THSD4: variants seen among roughly 807,000 people sequenced by gnomAD.
THSD4 encodes the protein thrombospondin type-1 domain-containing protein 4.
THSD4 carries 69 observed loss-of-function variants against 119.0 expected under a neutral mutation model. The observed-to-expected ratio is 0.58, with a 90% CI of 0.48 to 0.71. The LOEUF (loss-of-function observed/expected upper bound fraction) is 0.71. Among genes scored for constraint, THSD4 ranks in the 30% least tolerant of loss-of-function variants. The probability of loss-of-function intolerance (pLI) is 0.00; values close to 1 mark genes in which losing one functional copy is unlikely to be tolerated. For synonymous variants in THSD4, 524 were observed against 540.4 expected, an observed-to-expected ratio of 0.97 and a Z score of 0.42; for missense variants, 1,393 against 1,391.1, an observed-to-expected ratio of 1.00 and a Z score of -0.02.
intron 6 of THSD4, among the ~76,000 whole-genome samples, chr15:71,409,533 C>T (rs1054057569): frequency 9.2e-5 from 14 of 152,140 alleles, no homozygotes; most frequent in African/African-American, 2.9e-4. Flanking sequence ...GTGATTCCAT[C>T]TTGGTATTCT....
At chr15:71,395,912 GAGAC>G (rs1309687197) in intron 6 of THSD4, among the ~76,000 whole-genome samples, 207 of 109,606 alleles carry the variant, frequency 1.9e-3, no homozygotes, top group African/African-American at 7.7e-3. Flanking sequence ...GTTTTGAAGA[GAGAC>G]ACACACACAC....
At chr15:71,146,443 G>GTT (rs569407021) in intron 2 of THSD4, among the ~76,000 whole-genome samples, 20 of 134,584 alleles carry the variant, frequency 1.5e-4, no homozygotes, top group Non-Finnish European at 2.1e-4. Flanking sequence ...TTTGCCAGTA[G>GTT]TTTTTTTTTT....
At chr15:71,653,972 T>A (rs941406015) in intron 7 of THSD4, among the ~76,000 whole-genome samples, 1 of 152,052 alleles carries the variant, frequency 6.6e-6, no homozygotes, top group African/African-American at 2.4e-5. Context: ...TTTGATTGTG[T>A]CTGACTTTCA....
intron 4 of THSD4, among the ~76,000 whole-genome samples, chr15:71,241,291 G>T (rs2044150737): frequency 6.6e-6 from 1 of 152,160 alleles, no homozygotes; most frequent in Admixed American, 6.5e-5. Flanking sequence ...AGAGTTAGTT[G>T]ACTTACTTAA....
At chr15:71,668,285 G>A (rs1049280812) in intron 8 of THSD4, among the ~76,000 whole-genome samples, 2 of 152,126 alleles carry the variant, frequency 1.3e-5, no homozygotes, top group African/African-American at 2.4e-5. Context: ...ACTGGAGTGG[G>A]GGCATCAGTG....
intron 7 of THSD4, among the ~76,000 whole-genome samples, chr15:71,583,900 G>A (rs2049606604): frequency 6.6e-6 from 1 of 152,126 alleles, no homozygotes; most frequent in African/African-American, 2.4e-5. Context: ...AGAATGTTCT[G>A]CACATGTCTG....
Position 71,254,320 on chromosome 15 carries a change from A to T in THSD4, c.913-2293A>T, listed in dbSNP as rs2044290795. On this transcript the variant is annotated intron_variant, in intron 5 of 17. Transcript: ENST00000261862. ...CTTTGGCAAGGCTTGCCACATCTCCAGGTCTCAGTTCCCTCATCTGTAAAT... is the reference window on the plus strand; with the variant it reads ...CTTTGGCAAGGCTTGCCACATCTCCTGGTCTCAGTTCCCTCATCTGTAAAT... 2.6e-5 allele frequency among the ~76,000 whole-genome samples: 4 copies of T among 152,174 alleles called. No homozygotes were observed. In the South Asian group the frequency reaches 8.3e-4, roughly 32 times the overall value.
chr15:71,591,084 G>T (rs1305613048), intron 7 of THSD4, among the ~76,000 whole-genome samples: 5 of 145,844 alleles, frequency 3.4e-5, no homozygotes, highest in Non-Finnish European at 7.5e-5. Flanking sequence ...CAGTATGTAT[G>T]ATAACAGTAA....
At position 71,720,891 on chromosome 15, in the gene THSD4, CT is replaced by C. The variant is rs559290391; in HGVS notation, c.1358-7650del. 4.8e-4 allele frequency among the ~76,000 whole-genome samples: 73 copies of C among 152,258 alleles called. No individual in the cohort carries two copies. In the East Asian group the frequency reaches 0.013, roughly 28 times the overall value. On this transcript the variant is annotated intron_variant, in intron 8 of 17. Transcript: ENST00000261862. ...GCTTGCGATTTGTTGCTAGGAGAAA[CT>C]TTTTTTTCTTTTTAAGCTAACCTAT...
intron 7 of THSD4, among the ~76,000 whole-genome samples, chr15:71,562,610 G>A (rs1260547966): frequency 6.6e-6 from 1 of 151,474 alleles, no homozygotes; most frequent in Admixed American, 6.6e-5. Context: ...GGGCCTAAAT[G>A]TAATGTTATA....
At chr15:71,378,203 G>A (rs2046177031) in intron 6 of THSD4, among the ~76,000 whole-genome samples, 1 of 151,958 alleles carries the variant, frequency 6.6e-6, no homozygotes, top group Non-Finnish European at 1.5e-5. Flanking sequence ...CAACTTTCTG[G>A]CAGGTAACAG....
chr15:71,300,216 C>T (rs2044929637), intron 6 of THSD4, among the ~76,000 whole-genome samples: 1 of 151,232 alleles, frequency 6.6e-6, no homozygotes, highest in Non-Finnish European at 1.5e-5. Context: ...GCAACCACAC[C>T]CCTTCACCAA....
intron 3 of THSD4, among the ~76,000 whole-genome samples, chr15:71,199,916 G>GGTGTGTGGTGTGTGTGTGTA (rs1567155136): frequency 8.6e-6 from 1 of 116,052 alleles, no homozygotes; most frequent in African/African-American, 2.9e-5. Context: ...GCATGTGTGG[G>GGTGTGTGGTGTGTGTGTGTA]GTGTGTGTGT....
chr15:71,592,792 C>G (rs1205651358), intron 7 of THSD4, among the ~76,000 whole-genome samples: 2 of 152,002 alleles, frequency 1.3e-5, no homozygotes, highest in Non-Finnish European at 2.9e-5. Flanking sequence ...TCCTGAGTTT[C>G]AGTGCTGACT....
chr15:71,718,758 C>A (rs1173833145), intron 8 of THSD4, among the ~76,000 whole-genome samples: 2 of 152,114 alleles, frequency 1.3e-5, no homozygotes, highest in African/African-American at 4.8e-5. Context: ...TTCTTCAAGA[C>A]CCCCAATGCC....
In THSD4 at chr15:71,751,921, T is replaced by C. The variant is rs559483538; in HGVS notation, c.2415+3327T>C. ...CTTTATATGCACCTCTTCTTATCTC[T>C]GTAAAATAGTGGGGGCGTGGAATCA... On this transcript the variant is annotated intron_variant, in intron 14 of 17. Coordinates refer to ENST00000261862, the MANE Select transcript of THSD4 (RefSeq NM_024817.3). Among the ~76,000 whole-genome samples the C allele has an allele frequency of 3.9e-5, 6 of 152,376 alleles. No homozygotes were observed. The South Asian group carries it at 1.2e-3, about 32-fold the overall frequency.
chr15:71,365,130 A>ATTGTGTGT (rs2045941568), intron 6 of THSD4, among the ~76,000 whole-genome samples: 1 of 48,294 alleles, frequency 2.1e-5, no homozygotes, highest in Non-Finnish European at 4.9e-5. Flanking sequence ...TGCCCCCCCC[A>ATTGTGTGT]TTGTGTGTGT....
At chr15:71,392,664 C>G (rs1445678347) in intron 6 of THSD4, among the ~76,000 whole-genome samples, 1 of 152,202 alleles carries the variant, frequency 6.6e-6, no homozygotes, top group East Asian at 1.9e-4. Context: ...AACCATAATG[C>G]TGGCAGCAGC....
chr15:71,566,662 C>G (rs1249000504), intron 7 of THSD4, among the ~76,000 whole-genome samples: 1 of 152,098 alleles, frequency 6.6e-6, no homozygotes, highest in East Asian at 1.9e-4. Flanking sequence ...TTGGATATAA[C>G]TTGCTCACTA....
Sources: allele counts gnomAD v4.1 joint callset (sites outside exome capture counted in the v4.1 genomes callset), GRCh38; gene constraint gnomAD v4.1.1; transcripts MANE v1.5; gene names NCBI Gene and HGNC (gene_info 2026-07-23, HGNC 2026-07-21).